Variants in PRKN observed in about 807,000 individuals in gnomAD.
PRKN encodes parkin RBR E3 ubiquitin protein ligase.
A neutral mutation model predicts 59.5 loss-of-function variants in PRKN; 56 were observed. The ratio of observed to expected loss-of-function variants is 0.94; its 90% confidence interval spans 0.76 to 1.18. The LOEUF is 1.18. Ranked by LOEUF, PRKN falls within the 50% of genes most tolerant of loss-of-function variation. The pLI is 0.00. For missense variants in PRKN, 657 were observed against 596.4 expected, an observed-to-expected ratio of 1.10 and a Z score of -1.06; for synonymous variants, 250 against 222.1, an observed-to-expected ratio of 1.13 and a Z score of -1.12.
At chr6:162,439,809 G>GTT (rs59735210) in intron 2 of PRKN, among the ~76,000 whole-genome samples, 2 of 151,784 alleles carry the variant, frequency 1.3e-5, no homozygotes, top group African/African-American at 4.8e-5. Flanking sequence ...GTTTTCTCTA[G>GTT]TTTTTTTATT....
chr6:161,374,303 G>A (rs1349688573), intron 10 of PRKN, among the ~76,000 whole-genome samples: 3 of 151,422 alleles, frequency 2.0e-5, no homozygotes, highest in African/African-American at 4.9e-5. Context: ...TGGTATATGT[G>A]GTGCGCGTGT....
intron 3 of PRKN, among the ~76,000 whole-genome samples, chr6:162,225,607 A>G (rs1441586321): frequency 6.6e-6 from 1 of 152,052 alleles, no homozygotes; most frequent in Non-Finnish European, 1.5e-5. Flanking sequence ...CATCTCCCCA[A>G]CACTATGCAC....
chr6:162,337,780 C>G (rs941881141), intron 2 of PRKN, among the ~76,000 whole-genome samples: 1 of 151,984 alleles, frequency 6.6e-6, no homozygotes, highest in Non-Finnish European at 1.5e-5. Context: ...GAAAGAAAAC[C>G]AGGAAAAATG....
Position 161,438,278 on chromosome 6 carries a change from C to T in PRKN, c.1084-51401G>A, listed in dbSNP as rs538397424. On this transcript the variant is annotated intron_variant, in intron 9 of 11. Transcript: ENST00000366898. The stretch of plus-strand genomic sequence containing the variant: ...CTGTCTCCAGGCTGGATTGCAATGG[C>T]GTGATCTCGACTCACTGCAACCTCC... Among the ~76,000 whole-genome samples, 3 of 130,380 alleles carry T rather than the reference C, an allele frequency of 2.3e-5. No individual in the cohort carries two copies. The South Asian group carries it at 7.1e-4, about 31-fold the overall frequency. 85.5% of individuals were successfully genotyped at this position (130,380 alleles called of 152,430 possible).
intron 1 of PRKN, among the ~76,000 whole-genome samples, chr6:162,519,158 G>GA (rs1777985285): frequency 6.6e-6 from 1 of 152,054 alleles, no homozygotes; most frequent in Non-Finnish European, 1.5e-5. Context: ...CAACAAGAGC[G>GA]AAACTCCGTC....
chr6:162,121,603 A>ATACAAGATATTGTATCTTG, intron 4 of PRKN, among the ~76,000 whole-genome samples: 1 of 152,202 alleles, frequency 6.6e-6, no homozygotes, highest in East Asian at 1.9e-4. Context: ...GGGCCTTATG[A>ATACAAGATATTGTATCTTG]TCCAACAGAT....
intron 9 of PRKN, among the ~76,000 whole-genome samples, chr6:161,469,766 G>A (rs530440513): frequency 2.6e-5 from 4 of 152,098 alleles, no homozygotes; most frequent in African/African-American, 4.8e-5. Context: ...TAGGACTTCC[G>A]ACCTACAGAG....
At chr6:162,063,839 G>C (rs887420638) in intron 4 of PRKN, among the ~76,000 whole-genome samples, 1 of 152,174 alleles carries the variant, frequency 6.6e-6, no homozygotes, top group African/African-American at 2.4e-5. Context: ...GCCGCAGCGC[G>C]CAGCCCTGGA....
At chr6:161,392,706 G>A (rs140815594) in intron 9 of PRKN, among the ~76,000 whole-genome samples, 1 of 151,634 alleles carries the variant, frequency 6.6e-6, no homozygotes, top group Non-Finnish European at 1.5e-5. Flanking sequence ...TGAGAGCTTG[G>A]TGCCACACTT....
Position 161,378,573 on chromosome 6 carries a change from C to A in PRKN, c.1167+8221G>T, listed in dbSNP as rs1785828078. Reference sequence around the variant, plus strand: ...GGGTTTGCCTTTCTTGGCAACAGAGCCTCAGCCAGCACTAGCATCTGCAGG... The same window carrying A: ...GGGTTTGCCTTTCTTGGCAACAGAGACTCAGCCAGCACTAGCATCTGCAGG... On this transcript the variant is annotated intron_variant, in intron 10 of 11. Coordinates refer to ENST00000366898, the MANE Select transcript of PRKN (RefSeq NM_004562.3). The surrounding 1 kb of genome is among the most constrained non-coding windows in gnomAD (Gnocchi z 7.3). Among the ~76,000 whole-genome samples, 1 of 152,174 alleles carries A rather than the reference C, an allele frequency of 6.6e-6. No homozygotes were observed. Among genetic ancestry groups the A allele is most frequent in the Non-Finnish European group, 1.5e-5 (1 of 68,022 alleles).
intron 1 of PRKN, among the ~76,000 whole-genome samples, chr6:162,660,928 T>C (rs1778851066): frequency 6.6e-6 from 1 of 152,138 alleles, no homozygotes; most frequent in Non-Finnish European, 1.5e-5. Flanking sequence ...TTTATGACAC[T>C]AAGAATTCTG....
intron 7 of PRKN, among the ~76,000 whole-genome samples, chr6:161,744,190 C>CT (rs377146177): frequency 0.027 from 3,876 of 144,888 alleles, 172 homozygotes; most frequent in African/African-American, 0.093. Flanking sequence ...GTTTTTTTTT[C>CT]TTTTTTTTTT....
intron 1 of PRKN, among the ~76,000 whole-genome samples, chr6:162,573,336 G>T (rs1780428904): frequency 1.3e-5 from 2 of 152,206 alleles, no homozygotes; most frequent in Admixed American, 6.5e-5. Context: ...GCACAGGCAG[G>T]CCCAGGAGCT....
intron 1 of PRKN, among the ~76,000 whole-genome samples, chr6:162,573,161 G>C (rs4091546): frequency 0.22 from 34,019 of 152,008 alleles, 4,574 homozygotes; most frequent in African/African-American, 0.37. Context: ...ATTCCAAACA[G>C]AAAATGAGTT....
chr6:162,311,869 T>C (rs1053905713), intron 2 of PRKN, among the ~76,000 whole-genome samples: 8 of 152,020 alleles, frequency 5.3e-5, no homozygotes, highest in African/African-American at 1.9e-4. Flanking sequence ...TTCTTTTTCT[T>C]TTCACTGTCT....
At chr6:162,634,012 G>C (rs950154085) in intron 1 of PRKN, among the ~76,000 whole-genome samples, 2 of 152,158 alleles carry the variant, frequency 1.3e-5, no homozygotes, top group African/African-American at 4.8e-5. Flanking sequence ...ACACGGTCTT[G>C]TGTCAACAAA....
At chr6:162,696,224 A>G (rs934273951) in intron 1 of PRKN, among the ~76,000 whole-genome samples, 3 of 152,186 alleles carry the variant, frequency 2.0e-5, no homozygotes, top group African/African-American at 7.2e-5. Flanking sequence ...CAACTAGGAA[A>G]ATATAATTAG....
chr6:161,885,694 G>A (rs899982236), intron 6 of PRKN, among the ~76,000 whole-genome samples: 36 of 147,408 alleles, frequency 2.4e-4, no homozygotes, highest in Admixed American at 4.7e-4. Context: ...GAATGTCTGA[G>A]CCCTCCTGTA....
intron 5 of PRKN, among the ~76,000 whole-genome samples, chr6:161,997,820 C>T (rs939007125): frequency 2.0e-5 from 3 of 152,144 alleles, no homozygotes; most frequent in African/African-American, 7.2e-5. Context: ...TTCCTTTCAT[C>T]ACCAACACCT....
Sources: allele counts gnomAD v4.1 joint callset (sites outside exome capture counted in the v4.1 genomes callset), GRCh38; gene constraint gnomAD v4.1.1; non-coding constraint Gnocchi (gnomAD v3.1); transcripts MANE v1.5; gene names NCBI Gene and HGNC (gene_info 2026-07-23, HGNC 2026-07-21).